TMEFF2: variants seen among roughly 807,000 people sequenced by gnomAD.
TMEFF2 encodes the protein transmembrane protein with EGF like and two follistatin like domains 2.
Under a neutral mutation model 53.8 loss-of-function variants are expected in TMEFF2, and 28 were observed. The ratio of observed to expected loss-of-function variants is 0.52; its 90% confidence interval spans 0.39 to 0.71. The LOEUF (loss-of-function observed/expected upper bound fraction) is 0.71. Among genes scored for constraint, TMEFF2 ranks in the 30% least tolerant of loss-of-function variants. The probability of loss-of-function intolerance (pLI) is 0.00; values close to 1 mark genes in which losing one functional copy is unlikely to be tolerated. For synonymous variants in TMEFF2, 162 were observed against 166.3 expected, an observed-to-expected ratio of 0.97 and a Z score of 0.20; for missense variants, 353 against 455.2, an observed-to-expected ratio of 0.78 and a Z score of 2.04.
intron 3 of TMEFF2, among the ~76,000 whole-genome samples, chr2:192,182,297 A>G (rs947929250): frequency 1.3e-5 from 2 of 151,950 alleles, no homozygotes; most frequent in African/African-American, 4.8e-5. Flanking sequence ...AAAAGTCAGA[A>G]CCCCAATTTA....
chr2:192,004,915 G>A (rs1686463281), intron 5 of TMEFF2, among the ~76,000 whole-genome samples: 1 of 152,144 alleles, frequency 6.6e-6, no homozygotes, highest in Non-Finnish European at 1.5e-5. Context: ...CTGCACGAAT[G>A]CCTTTAAGGT....
intron 4 of TMEFF2, among the ~76,000 whole-genome samples, chr2:192,153,309 A>T (rs1307173888): frequency 2.0e-5 from 3 of 151,814 alleles, no homozygotes; most frequent in South Asian, 2.1e-4. Flanking sequence ...GTATTTTTTT[A>T]AAAATTATGG....
chr2:192,047,661 A>G (rs1479772618), intron 5 of TMEFF2, among the ~76,000 whole-genome samples: 2 of 152,202 alleles, frequency 1.3e-5, no homozygotes, highest in Non-Finnish European at 1.5e-5. Context: ...AGAAAATCAG[A>G]TATTCGTTTT....
At chr2:191,969,015 A>G (rs1215489472) in intron 7 of TMEFF2, among the ~76,000 whole-genome samples, 1 of 152,224 alleles carries the variant, frequency 6.6e-6, no homozygotes, top group East Asian at 1.9e-4. Flanking sequence ...CAGGGCACAT[A>G]AGAAAGTTTT....
chr2:191,966,966 G>A (rs1310682112), intron 7 of TMEFF2, among the ~76,000 whole-genome samples: 3 of 151,818 alleles, frequency 2.0e-5, no homozygotes, highest in African/African-American at 4.8e-5. Context: ...AGTCTCAAAA[G>A]TGCTTGAGAA....
intron 4 of TMEFF2, among the ~76,000 whole-genome samples, chr2:192,171,577 G>A (rs1157365690): frequency 1.3e-5 from 2 of 151,924 alleles, no homozygotes; most frequent in African/African-American, 4.8e-5. Context: ...CTTCAACCAA[G>A]CATCTTCTCA....
intron 4 of TMEFF2, among the ~76,000 whole-genome samples, chr2:192,141,783 C>G (rs1016644623): frequency 1.3e-5 from 2 of 152,016 alleles, no homozygotes; most frequent in Non-Finnish European, 2.9e-5. Context: ...ATAAGTTGGA[C>G]AAAACAGGTG....
intron 4 of TMEFF2, chr2:192,179,445 CA>C (rs1691132009): frequency 2.4e-6 from 1 of 409,954 alleles, no homozygotes; most frequent in Non-Finnish European, 4.4e-6. Context: ...AACAAATGAA[CA>C]AGGAAGGTTA....
chr2:192,124,101 C>A (rs956022525), intron 4 of TMEFF2, among the ~76,000 whole-genome samples: 1 of 152,208 alleles, frequency 6.6e-6, no homozygotes, highest in African/African-American at 2.4e-5. Context: ...TTCACTCTTT[C>A]CTAACTGAAG....
At chr2:192,113,976 C>T (rs1036157548) in intron 4 of TMEFF2, among the ~76,000 whole-genome samples, 8 of 151,752 alleles carry the variant, frequency 5.3e-5, no homozygotes, top group African/African-American at 1.9e-4. Context: ...CACCTCTATG[C>T]TTTAATAACA....
chr2:192,065,009 T>C (rs990936444), intron 4 of TMEFF2, among the ~76,000 whole-genome samples: 1 of 151,846 alleles, frequency 6.6e-6, no homozygotes, highest in Non-Finnish European at 1.5e-5. Flanking sequence ...CTTGATAAAT[T>C]CTAAGGAAAT....
intron 5 of TMEFF2, among the ~76,000 whole-genome samples, chr2:192,041,675 G>A (rs1007157071): frequency 1.3e-5 from 2 of 152,100 alleles, no homozygotes; most frequent in Non-Finnish European, 2.9e-5. Context: ...GTTCATAACA[G>A]CATTATTCAT....
At chr2:192,053,954 C>T (rs6725160) in intron 5 of TMEFF2, among the ~76,000 whole-genome samples, 16,692 of 152,072 alleles carry the variant, frequency 0.11, 1,094 homozygotes, top group East Asian at 0.32. Flanking sequence ...AAAATCAATG[C>T]ACTTGTCATT....
At chr2:191,981,712 G>A (rs767978970) in intron 7 of TMEFF2, among the ~76,000 whole-genome samples, 7 of 152,096 alleles carry the variant, frequency 4.6e-5, no homozygotes, top group Non-Finnish European at 7.4e-5. Context: ...GAGAAGCTTG[G>A]GTGCAGTTTG....
chr2:191,980,107 A>G (rs1685820580), intron 7 of TMEFF2, among the ~76,000 whole-genome samples: 1 of 152,228 alleles, frequency 6.6e-6, no homozygotes, highest in South Asian at 2.1e-4. Flanking sequence ...CTGCATTTAC[A>G]GGGAGGAGCA....
At chr2:192,170,741 A>T (rs1230953953) in intron 4 of TMEFF2, among the ~76,000 whole-genome samples, 1 of 152,078 alleles carries the variant, frequency 6.6e-6, no homozygotes, top group Non-Finnish European at 1.5e-5. Context: ...CTTTTCAGAG[A>T]GAGATCAGCA....
chr2:192,135,799 C>A (rs975226413), intron 4 of TMEFF2, among the ~76,000 whole-genome samples: 1 of 152,042 alleles, frequency 6.6e-6, no homozygotes, highest in East Asian at 1.9e-4. Context: ...CCCGCCTTAA[C>A]TGATGACACT....
intron 7 of TMEFF2, among the ~76,000 whole-genome samples, chr2:191,985,833 T>G (rs921108380): frequency 2.6e-5 from 4 of 152,210 alleles, no homozygotes; most frequent in African/African-American, 9.7e-5. Context: ...ATAACTTTAT[T>G]TCAGTAGGTA....
intron 4 of TMEFF2, among the ~76,000 whole-genome samples, chr2:192,103,100 T>C (rs1282169828): frequency 4.6e-5 from 7 of 152,156 alleles, no homozygotes; most frequent in African/African-American, 1.7e-4. Flanking sequence ...AGAAATTAAA[T>C]TCTATTCTAT....
Sources: allele counts gnomAD v4.1 joint callset (sites outside exome capture counted in the v4.1 genomes callset), GRCh38; gene constraint gnomAD v4.1.1; transcripts MANE v1.5; gene names NCBI Gene and HGNC (gene_info 2026-07-23, HGNC 2026-07-21).